KCNJ6: variants seen among roughly 807,000 people sequenced by gnomAD.
KCNJ6 encodes potassium inwardly rectifying channel subfamily J member 6.
In KCNJ6, 9 loss-of-function variants were observed where a neutral mutation model predicts 34.2. The ratio of observed to expected loss-of-function variants is 0.26; its 90% confidence interval spans 0.16 to 0.46. The LOEUF (loss-of-function observed/expected upper bound fraction) is 0.46. KCNJ6 is among the 20% of genes least tolerant of loss of function. The pLI, the probability that KCNJ6 is intolerant of heterozygous loss-of-function variation, is 1.00. For missense variants in KCNJ6, 236 were observed against 531.3 expected (o/e 0.44, Z 5.46); for synonymous variants, 196 against 207.1 (o/e 0.95, Z 0.46).
At chr21:37,649,761 A>G (rs1160946497) in intron 3 of KCNJ6, among the ~76,000 whole-genome samples, 2 of 152,038 alleles carry the variant, frequency 1.3e-5, no homozygotes, top group Non-Finnish European at 2.9e-5. Flanking sequence ...TGTTTGTTCT[A>G]TGTCTCTAAA....
rs1569450490 is a variant in KCNJ6, at chr21:37,713,751, A to AGGCCTTATAAATGACTCTCATGCTG, written c.946+459_946+460insCAGCATGAGAGTCATTTATAAGGCC. On this transcript the variant is annotated intron_variant, in intron 3 of 3. Transcript: ENST00000609713. Reference sequence around the variant, plus strand: ...TTCATACAAAAGAAAAACCAATGCTATAGGCCTTATAAATGACTCTCAAAG... The same window carrying AGGCCTTATAAATGACTCTCATGCTG: ...TTCATACAAAAGAAAAACCAATGCTAGGCCTTATAAATGACTCTCATGCTGTAGGCCTTATAAATGACTCTCAAAG... 6.6e-5 allele frequency among the ~76,000 whole-genome samples: 10 copies of AGGCCTTATAAATGACTCTCATGCTG among 152,150 alleles called. No individual in the cohort carries two copies. In the East Asian group the frequency reaches 1.9e-3, roughly 29 times the overall value.
rs1202954838 is a variant in KCNJ6 at position 37,610,112 on chromosome 21, T to C, written c.*15047A>G. The C allele has an allele frequency of 6.6e-6, 1 of 152,234 alleles. No individual in the cohort carries two copies. Among genetic ancestry groups the C allele is most frequent in the African/African-American group, 2.4e-5 (1 of 41,434 alleles). 9.4% of individuals were successfully genotyped at this position (152,234 alleles called of 1,614,324 possible). A position where few individuals can be genotyped will look rare whatever the true frequency, so the allele number is the denominator to read the frequency against. ...GCCAGCAAGGGAATCAGTTAAATGATGAAAACAGCTGAGACTTAAAGCTGA... is the reference window on the plus strand; with the variant it reads ...GCCAGCAAGGGAATCAGTTAAATGACGAAAACAGCTGAGACTTAAAGCTGA... On this transcript the variant is annotated 3_prime_UTR_variant, in exon 4 of 4. Coordinates refer to ENST00000609713, the MANE Select transcript of KCNJ6 (RefSeq NM_002240.5).
chr21:37,732,154 G>T (rs1218598750), intron 2 of KCNJ6, among the ~76,000 whole-genome samples: 1 of 151,468 alleles, frequency 6.6e-6, no homozygotes, highest in African/African-American at 2.4e-5. Context: ...GCAAGAACAA[G>T]ATCTCCCAGG....
At chr21:37,659,935 C>T (rs2054480556) in intron 3 of KCNJ6, among the ~76,000 whole-genome samples, 1 of 152,184 alleles carries the variant, frequency 6.6e-6, no homozygotes, top group African/African-American at 2.4e-5. Context: ...AAAATGCTGG[C>T]TATATTTCAG....
intron 2 of KCNJ6, among the ~76,000 whole-genome samples, chr21:37,836,248 T>A (rs536023346): frequency 2.0e-5 from 3 of 152,244 alleles, no homozygotes; most frequent in African/African-American, 7.2e-5. Context: ...CAACAGATGC[T>A]AGAGAGGATG....
intron 1 of KCNJ6, among the ~76,000 whole-genome samples, chr21:37,900,579 G>A (rs1015979577): frequency 6.6e-6 from 1 of 152,176 alleles, no homozygotes; most frequent in Non-Finnish European, 1.5e-5. Flanking sequence ...AGGAGGAGGT[G>A]GCAGCAGAGG....
At chr21:37,851,751 T>C (rs1168366037) in intron 1 of KCNJ6, among the ~76,000 whole-genome samples, 1 of 152,164 alleles carries the variant, frequency 6.6e-6, no homozygotes, top group East Asian at 1.9e-4. Flanking sequence ...GATTTTTTTT[T>C]TCCTATTCCT....
chr21:37,840,459 A>G (rs2055474546), intron 2 of KCNJ6, among the ~76,000 whole-genome samples, 199 bp downstream of exon 2: 1 of 152,204 alleles, frequency 6.6e-6, no homozygotes, highest in Non-Finnish European at 1.5e-5. Context: ...TTCAGCAAAG[A>G]ATTTGACCTC....
At chr21:37,834,499 T>G (rs1368160192) in intron 2 of KCNJ6, among the ~76,000 whole-genome samples, 1 of 152,258 alleles carries the variant, frequency 6.6e-6, no homozygotes, top group Non-Finnish European at 1.5e-5. Flanking sequence ...ATGTCATAGC[T>G]GTTACTCTCT....
chr21:37,883,840 G>C (rs903963753), intron 1 of KCNJ6, among the ~76,000 whole-genome samples: 1 of 152,124 alleles, frequency 6.6e-6, no homozygotes, highest in African/African-American at 2.4e-5. Context: ...CCCTTGGTAG[G>C]TATAAACCTT....
intron 3 of KCNJ6, among the ~76,000 whole-genome samples, chr21:37,679,550 T>C (rs2123416794): frequency 6.6e-6 from 1 of 152,330 alleles, no homozygotes; most frequent in Admixed American, 6.5e-5. Context: ...CTGTTATTGA[T>C]AATTGCATGA....
chr21:37,815,135 G>C (rs192224604), intron 2 of KCNJ6, among the ~76,000 whole-genome samples: 2 of 152,012 alleles, frequency 1.3e-5, no homozygotes, highest in Non-Finnish European at 2.9e-5. Flanking sequence ...GGGAGGCTGG[G>C]GGGAGATGGG....
chr21:37,914,817 C>A (rs767722805), intron 1 of KCNJ6, among the ~76,000 whole-genome samples: 1 of 152,040 alleles, frequency 6.6e-6, no homozygotes, highest in Non-Finnish European at 1.5e-5. Context: ...CTCCCTGTAC[C>A]GTAGGGCTCC....
intron 3 of KCNJ6, among the ~76,000 whole-genome samples, chr21:37,677,371 T>C (rs755047953): frequency 1.3e-5 from 2 of 152,148 alleles, no homozygotes; most frequent in Non-Finnish European, 2.9e-5. Flanking sequence ...AAGAATTTAT[T>C]TTCAGTTTTT....
chr21:37,710,002 C>T (rs114663054), intron 3 of KCNJ6, among the ~76,000 whole-genome samples: 1 of 152,102 alleles, frequency 6.6e-6, no homozygotes, highest in Non-Finnish European at 1.5e-5. Context: ...TCCACTCTCC[C>T]CAGTGTTCTA....
At chr21:37,812,875 C>T (rs981978953) in intron 2 of KCNJ6, among the ~76,000 whole-genome samples, 2 of 152,202 alleles carry the variant, frequency 1.3e-5, no homozygotes, top group African/African-American at 4.8e-5. Context: ...TGCCCACTTT[C>T]ACCAATTTTA....
chr21:37,720,205 AAAC>A (rs1332034927), intron 2 of KCNJ6, among the ~76,000 whole-genome samples: 1 of 152,228 alleles, frequency 6.6e-6, no homozygotes, highest in African/African-American at 2.4e-5. Context: ...ACAAATTGCC[AAAC>A]AACACATCGA....
chr21:37,642,250 A>T (rs2054384117), intron 3 of KCNJ6, among the ~76,000 whole-genome samples: 1 of 152,130 alleles, frequency 6.6e-6, no homozygotes, highest in Non-Finnish European at 1.5e-5. Flanking sequence ...AATGAGAAGG[A>T]AAGGCTGAGC....
chr21:37,673,885 A>G (rs1437649681), intron 3 of KCNJ6, among the ~76,000 whole-genome samples: 1 of 152,168 alleles, frequency 6.6e-6, no homozygotes, highest in African/African-American at 2.4e-5. Context: ...AGACACCTGG[A>G]GGAGCCTTGG....
Sources: allele counts gnomAD v4.1 joint callset (sites outside exome capture counted in the v4.1 genomes callset), GRCh38; gene constraint gnomAD v4.1.1; transcripts MANE v1.5; gene names NCBI Gene and HGNC (gene_info 2026-07-23, HGNC 2026-07-21).